Variants in RIN2 observed in about 807,000 individuals in gnomAD.
RIN2 encodes RAB5 interacting protein 2.
RIN2 carries 36 observed loss-of-function variants against 78.0 expected under a neutral mutation model. The ratio of observed to expected loss-of-function variants is 0.46; its 90% confidence interval spans 0.35 to 0.61. The LOEUF is 0.61. Ranked by LOEUF, RIN2 falls within the 20% of genes least tolerant of loss-of-function variation. The pLI, the probability that RIN2 is intolerant of heterozygous loss-of-function variation, is 0.00. For synonymous variants in RIN2, 466 were observed against 466.8 expected, an observed-to-expected ratio of 1.00 and a Z score of 0.02; for missense variants, 1,087 against 1,159.7, an observed-to-expected ratio of 0.94 and a Z score of 0.91.
intron 4 of RIN2, among the ~76,000 whole-genome samples, chr20:19,946,744 A>G (rs748343588): frequency 1.1e-3 from 164 of 149,888 alleles, no homozygotes; most frequent in Non-Finnish European, 1.5e-3. Context: ...GGGAAAAGCA[A>G]ATTCAGCTGG....
chr20:19,947,608 TAA>T (rs1390148560), intron 4 of RIN2, among the ~76,000 whole-genome samples: 3 of 152,238 alleles, frequency 2.0e-5, no homozygotes, highest in African/African-American at 7.2e-5. Context: ...CTTCATTCTG[TAA>T]CCACTTATTA....
At chr20:19,966,960 C>A (rs901937082) in intron 7 of RIN2, among the ~76,000 whole-genome samples, 1 of 152,158 alleles carries the variant, frequency 6.6e-6, no homozygotes, top group Non-Finnish European at 1.5e-5. Flanking sequence ...GGGAACCACA[C>A]CTGGTATGGC....
At chr20:19,889,767 C>A (rs1189803149) in intron 3 of RIN2, 109 bp downstream of exon 3, 3 of 863,774 alleles carry the variant, frequency 3.5e-6, no homozygotes, top group Non-Finnish European at 5.1e-6. Flanking sequence ...TGAGCCAGCA[C>A]CGGCTAAGGG....
chr20:19,822,281 G>A (rs989531960), intron 2 of RIN2, among the ~76,000 whole-genome samples: 2 of 152,100 alleles, frequency 1.3e-5, no homozygotes, highest in East Asian at 3.9e-4. Flanking sequence ...CAATGAGAGT[G>A]GCAGCACTCT....
intron 1 of RIN2, among the ~76,000 whole-genome samples, chr20:19,783,550 G>C (rs1225432199): frequency 6.6e-6 from 1 of 151,870 alleles, no homozygotes; most frequent in Non-Finnish European, 1.5e-5. Flanking sequence ...GCCCTGAGCT[G>C]GGGAGCTGTC....
At chr20:19,910,239 C>T (rs964555420) in intron 3 of RIN2, among the ~76,000 whole-genome samples, 4 of 152,010 alleles carry the variant, frequency 2.6e-5, no homozygotes, top group Admixed American at 1.3e-4. Flanking sequence ...TGCAGAGGCA[C>T]GATCTTGGCT....
At chr20:19,820,701 G>A (rs190871904) in intron 2 of RIN2, among the ~76,000 whole-genome samples, 1 of 152,228 alleles carries the variant, frequency 6.6e-6, no homozygotes. Flanking sequence ...TGGTTAGCTG[G>A]GGTTCTCTAA....
intron 3 of RIN2, among the ~76,000 whole-genome samples, chr20:19,918,519 A>G (rs1365142539): frequency 6.6e-6 from 1 of 152,184 alleles, no homozygotes; most frequent in Non-Finnish European, 1.5e-5. Context: ...GTCATCTACT[A>G]TGAGCCACTT....
At chr20:19,844,598 T>C (rs199685066) in intron 2 of RIN2, among the ~76,000 whole-genome samples, 6,409 of 64,104 alleles carry the variant, frequency 0.1, 305 homozygotes, top group Middle Eastern at 0.16. Context: ...CTGCTGCTTC[T>C]TCCTCTTCTT....
chr20:19,846,625 C>T (rs1455749036), intron 2 of RIN2, among the ~76,000 whole-genome samples: 9 of 152,106 alleles, frequency 5.9e-5, no homozygotes, highest in Non-Finnish European at 1.0e-4. Context: ...TGGGCTGAGA[C>T]GGTGGGGTTT....
At chr20:19,825,088 C>T (rs2036048223) in intron 2 of RIN2, among the ~76,000 whole-genome samples, 1 of 152,238 alleles carries the variant, frequency 6.6e-6, no homozygotes. Context: ...CTCTCAAGAT[C>T]CCTGGGGATG....
chr20:19,883,835 A>G (rs959746589), intron 2 of RIN2, among the ~76,000 whole-genome samples: 8 of 151,278 alleles, frequency 5.3e-5, no homozygotes, highest in Non-Finnish European at 8.8e-5. Context: ...TTTACAGGCC[A>G]GTCCTGTAAG....
At chr20:19,896,297 TC>T (rs1467011313) in intron 3 of RIN2, among the ~76,000 whole-genome samples, 17 of 152,226 alleles carry the variant, frequency 1.1e-4, no homozygotes, top group African/African-American at 4.1e-4. Context: ...CAATCAATTT[TC>T]CTGCCTCAGC....
intron 1 of RIN2, among the ~76,000 whole-genome samples, chr20:19,772,642 G>T (rs909554308): frequency 6.6e-6 from 1 of 152,112 alleles, no homozygotes; most frequent in East Asian, 1.9e-4. Context: ...AAAGGGTCCC[G>T]GCACTGCCTG....
chr20:19,981,929 C>G (rs1359560275), intron 9 of RIN2, among the ~76,000 whole-genome samples: 2 of 152,200 alleles, frequency 1.3e-5, no homozygotes, highest in East Asian at 3.8e-4. Context: ...GCTAGAGTTA[C>G]ACACCTGTAT....
At chr20:19,757,621 A>T (rs900142333), upstream of RIN2, 6 of 152,478 alleles carry the variant, frequency 3.9e-5, no homozygotes, top group Non-Finnish European at 7.3e-5. Context: ...ACCCTGGAGA[A>T]CCTGCCCCGG....
At chr20:19,761,001 G>A (rs2033618309) in intron 1 of RIN2, among the ~76,000 whole-genome samples, 1 of 152,174 alleles carries the variant, frequency 6.6e-6, no homozygotes, top group Admixed American at 6.5e-5. Context: ...CACTCAAGGA[G>A]GGGGTGTTGA....
Position 19,933,553 on chromosome 20 carries a change from G to A in RIN2, c.58-1546G>A, listed in dbSNP as rs143867395. Among the ~76,000 whole-genome samples, 591 of 152,228 alleles carry A rather than the reference G, an allele frequency of 3.9e-3. 1 individual carries two copies. Among genetic ancestry groups the A allele is most frequent in the Middle Eastern group, 0.017 (5 of 294 alleles). ...TGCCCCACCAGAATCTCATCTCCAT[G>A]AGAACTGAGATCTTCTCAGCTCCAC... On this transcript the variant is annotated intron_variant, in intron 3 of 12. Transcript: ENST00000255006.
chr20:19,935,445 G>T, intron 4 of RIN2: 2 of 1,262,942 alleles, frequency 1.6e-6, no homozygotes, highest in Non-Finnish European at 2.0e-6. Flanking sequence ...CCAGAACCCG[G>T]AAACCTAAAA....
Sources: gnomAD v4.1 joint callset for allele counts (sites outside exome capture counted in the v4.1 genomes callset) on GRCh38, gnomAD v4.1.1 for gene constraint, MANE v1.5 for transcripts, NCBI Gene and HGNC (gene_info 2026-07-23, HGNC 2026-07-21) for gene names.